Variants in INSL6 observed in about 807,000 individuals in gnomAD.
INSL6 encodes the protein insulin-like peptide INSL6.
A neutral mutation model predicts 9.4 loss-of-function variants in INSL6; 16 were observed. The ratio of observed to expected loss-of-function variants is 1.70; its 90% confidence interval spans 1.15 to 2.59. INSL6 has a LOEUF of 2.59. INSL6 is among the 30% of genes most tolerant of loss of function. The pLI, the probability that INSL6 is intolerant of heterozygous loss-of-function variation, is 0.00. For synonymous variants in INSL6, 154 were observed against 96.9 expected (o/e 1.59, Z -3.46); for missense variants, 391 against 257.3 (o/e 1.52, Z -3.56).
At chr9:5,094,338 C>T in the INSL6 span, 1 of 152,220 alleles carries the variant, frequency 6.6e-6, no homozygotes, top group African/African-American at 2.4e-5. Flanking sequence ...TCTGGACTCC[C>T]CTTCCTATAC....
At chr9:5,080,501 T>C in the INSL6 span, 2 of 1,562,342 alleles carry the variant, frequency 1.3e-6, no homozygotes, top group Non-Finnish European at 1.7e-6. Context: ...CATTACACAA[T>C]TTATTCTCAG....
intron 1 of INSL6, among the ~76,000 whole-genome samples, chr9:5,166,431 G>C (rs1425194477): frequency 2.0e-5 from 3 of 151,778 alleles, no homozygotes; most frequent in African/African-American, 4.8e-5. Context: ...AAAAGAATAA[G>C]ATAGAACTCT....
rs16922754 is a variant in INSL6, at chr9:5,184,313, G to A, written c.289+1001C>T. 9.9e-3 allele frequency among the ~76,000 whole-genome samples: 1,511 copies of A among 152,206 alleles called. 17 individuals are homozygous for A. Among genetic ancestry groups the A allele is most frequent in the African/African-American group, 0.035 (1,456 of 41,524 alleles). On this transcript the variant is annotated intron_variant, in intron 1 of 1. Transcript: ENST00000381641. ...TCCAAATCAAATCAACTGAATTACT[G>A]TAAAAGGCAGTAATCTTCTTCCTAT... is the stretch of plus-strand genomic sequence containing the variant.
intron 1 of INSL6, among the ~76,000 whole-genome samples, chr9:5,180,515 G>C (rs753766389): frequency 7.2e-5 from 11 of 152,094 alleles, no homozygotes; most frequent in Non-Finnish European, 1.5e-4. Flanking sequence ...CCTGGGAAAG[G>C]AATGTACTAC....
At chr9:5,039,229 C>T in the INSL6 span, among the ~76,000 whole-genome samples, 1 of 152,060 alleles carries the variant, frequency 6.6e-6, no homozygotes, top group African/African-American at 2.4e-5. Flanking sequence ...AGTCATCCCG[C>T]TGTATCCATG....
the INSL6 span, chr9:5,110,818 ATC>A: frequency 2.3e-6 from 1 of 439,796 alleles, no homozygotes; most frequent in African/African-American, 2.0e-5. Flanking sequence ...GCCCTGCTGC[ATC>A]GCCCGTTTGT....
chr9:5,069,984 A>G, the INSL6 span: 15 of 1,608,870 alleles, frequency 9.3e-6, no homozygotes, highest in South Asian at 1.4e-4. Context: ...AACCTCACCA[A>G]CATTACAGAG....
the INSL6 span, chr9:5,098,403 C>G: frequency 1.3e-5 from 2 of 152,194 alleles, no homozygotes; most frequent in Non-Finnish European, 2.9e-5. Flanking sequence ...AAGAACCGCT[C>G]ACTTTCCGTG....
chr9:5,132,362 T>C (rs528003277), intron 3 of INSL6, among the ~76,000 whole-genome samples: 2 of 152,250 alleles, frequency 1.3e-5, no homozygotes, highest in Admixed American at 1.3e-4. Context: ...AATGGGAATT[T>C]TTTTCAACAT....
the INSL6 span, among the ~76,000 whole-genome samples, chr9:5,011,585 G>A: frequency 6.6e-6 from 1 of 152,098 alleles, no homozygotes. Context: ...ATGTATCATA[G>A]TAAACAAAGT....
chr9:5,103,220 GCAAAAAAAAA>G, the INSL6 span, among the ~76,000 whole-genome samples: 1 of 6,906 alleles, frequency 1.4e-4, no homozygotes, highest in African/African-American at 8.0e-4. Context: ...CAAAGGGAAA[GCAAAAAAAAA>G]AAAAAAAAAA....
chr9:5,083,470 C>G, the INSL6 span, among the ~76,000 whole-genome samples: 6 of 152,120 alleles, frequency 3.9e-5, no homozygotes, highest in Admixed American at 3.9e-4. Context: ...TGAAATATCT[C>G]CAGATGTCAT....
the INSL6 span, among the ~76,000 whole-genome samples, chr9:5,080,892 CTTTTTTTTT>C: frequency 1.0e-5 from 1 of 95,614 alleles, no homozygotes; most frequent in Non-Finnish European, 1.9e-5. Context: ...AAGACCTTTT[CTTTTTTTTT>C]TTTTTTTTTT....
chr9:5,093,877 A>T, the INSL6 span, among the ~76,000 whole-genome samples: 1 of 152,138 alleles, frequency 6.6e-6, no homozygotes, highest in African/African-American at 2.4e-5. Flanking sequence ...TTCAGACCAG[A>T]GTAATCCAGG....
chr9:5,145,118 A>G (rs1824575377), intron 2 of INSL6, among the ~76,000 whole-genome samples: 1 of 152,116 alleles, frequency 6.6e-6, no homozygotes, highest in Non-Finnish European at 1.5e-5. Context: ...TCCTTTCCAT[A>G]TTTAGTCCCT....
At chr9:5,120,277 T>C (rs1823515244), downstream of INSL6, among the ~76,000 whole-genome samples, 1 of 152,174 alleles carries the variant, frequency 6.6e-6, no homozygotes, top group Non-Finnish European at 1.5e-5. Context: ...GGAGAAGCCC[T>C]CATGGCGTAA....
chr9:5,175,012 T>C (rs1825265977), intron 1 of INSL6, among the ~76,000 whole-genome samples: 1 of 151,778 alleles, frequency 6.6e-6, no homozygotes, highest in Non-Finnish European at 1.5e-5. Context: ...TTATCTCGGC[T>C]CACTGCAAGC....
chr9:5,024,706 T>A, the INSL6 span, among the ~76,000 whole-genome samples: 1 of 152,180 alleles, frequency 6.6e-6, no homozygotes, highest in South Asian at 2.1e-4. Flanking sequence ...AGCAACAGCT[T>A]GTTCATTTGC....
the INSL6 span, among the ~76,000 whole-genome samples, chr9:5,067,754 T>C: frequency 6.6e-6 from 1 of 152,148 alleles, no homozygotes; most frequent in Non-Finnish European, 1.5e-5. Flanking sequence ...AGGAAACTTA[T>C]CTACTGGACA....
Sources: allele counts gnomAD v4.1 joint callset (sites outside exome capture counted in the v4.1 genomes callset), GRCh38; gene constraint gnomAD v4.1.1; transcripts MANE v1.5; gene names NCBI Gene and HGNC (gene_info 2026-07-23, HGNC 2026-07-21).